Variants in PYGL observed in about 807,000 individuals in gnomAD.
The protein encoded by PYGL is glycogen phosphorylase, liver form.
PYGL carries 90 observed loss-of-function variants against 100.1 expected under a neutral mutation model. The observed-to-expected ratio is 0.90, with a 90% CI of 0.76 to 1.07. The LOEUF (loss-of-function observed/expected upper bound fraction) is 1.07. Ranked by LOEUF, PYGL falls within the 50% of genes least tolerant of loss-of-function variation. The pLI is 0.00. For synonymous variants in PYGL, 373 were observed against 393.0 expected (o/e 0.95, Z 0.60); for missense variants, 1,016 against 1,057.6 (o/e 0.96, Z 0.55).
chr14:50,935,061 G>A, intron 3 of PYGL, 46 bp downstream of exon 3: 2 of 1,528,472 alleles, frequency 1.3e-6, no homozygotes, highest in Non-Finnish European at 1.8e-6. Context: ...CATCTGAGAT[G>A]TCTTCAATCG....
In PYGL at chr14:50,923,953, C is replaced by G. The variant is rs368389304; in HGVS notation, c.660+16G>C. The G allele has an allele frequency of 3.7e-6, 6 of 1,612,018 alleles. No individual in the cohort carries two copies. The South Asian group carries it at 6.6e-5, about 18-fold the overall frequency. ...AATACTATACAAAACGCTGGCTATA[C>G]GAGCACTCTGAATACTTGAGTGTCA... On this transcript the variant is annotated intron_variant, in intron 5 of 19. Coordinates refer to ENST00000216392, the MANE Select transcript of PYGL (RefSeq NM_002863.5).
intron 13 of PYGL, 142 bp downstream of exon 13, chr14:50,912,887 G>A: frequency 1.4e-6 from 1 of 713,986 alleles, no homozygotes; most frequent in Non-Finnish European, 2.4e-6. Flanking sequence ...CTGGGAGGCG[G>A]AGGTTGCAGT....
In PYGL at chr14:50,908,910, C is replaced by T; in HGVS notation, c.2223G>A (p.Leu741=). 2 of 1,598,500 alleles carry T rather than the reference C, an allele frequency of 1.3e-6. No individual in the cohort carries two copies. Among genetic ancestry groups the T allele is most frequent in the East Asian group, 2.2e-5 (1 of 44,688 alleles). The change falls in exon 18 of 20, where the codon CTG becomes CTA. Residue 741 remains leucine (L), a synonymous_variant. Transcript: ENST00000216392. ...AGCCATTGTCAATTTGATCAATGAC[C>T]AGCTTCAGCTCTGGAAGTGCCTCAT... ...EYYEALPELK[L]VIDQIDNGFF...
chr14:50,943,367 C>A (rs1204286388), intron 1 of PYGL, among the ~76,000 whole-genome samples: 1 of 152,256 alleles, frequency 6.6e-6, no homozygotes, highest in East Asian at 1.9e-4. Context: ...GGTCCAAAAT[C>A]ACCCTAAGGA....
intron 10 of PYGL, 64 bp from the exon 11 acceptor site, chr14:50,915,563 T>C: frequency 1.3e-6 from 2 of 1,594,040 alleles, no homozygotes; most frequent in African/African-American, 1.3e-5. Flanking sequence ...GGGATAACGC[T>C]GTTCATGTCT....
chr14:50,909,035 T>G (rs1321131025), intron 17 of PYGL, 80 bp from the exon 18 acceptor site: 1 of 1,452,306 alleles, frequency 6.9e-7, no homozygotes, highest in Non-Finnish European at 9.6e-7. Flanking sequence ...AGACACTGCA[T>G]TCACTGTGAA....
intron 16 of PYGL, among the ~76,000 whole-genome samples, chr14:50,910,320 A>G (rs182113458): frequency 1.8e-4 from 28 of 152,342 alleles, no homozygotes; most frequent in African/African-American, 6.7e-4. Context: ...TTCTCGAGCT[A>G]TAAACTTTGA....
At position 50,914,635 on chromosome 14, in the gene PYGL, C is replaced by T. The variant is rs573316774; in HGVS notation, c.1518+66G>A. 68 of 1,343,688 alleles carry T rather than the reference C, an allele frequency of 5.1e-5. No individual in the cohort carries two copies. In the South Asian group the frequency reaches 6.3e-4, roughly 12 times the overall value. 83.2% of individuals were successfully genotyped at this position (1,343,688 alleles called of 1,614,324 possible). On this transcript the variant is annotated intron_variant, in intron 12 of 19. Coordinates refer to ENST00000216392, the MANE Select transcript of PYGL (RefSeq NM_002863.5). ...TGCTGCAGACTGGATTTATAAGTTA[C>T]AAGTATAGTCATATGCCTCTTGCAT...
At chr14:50,940,799 A>T (rs895219191) in intron 1 of PYGL, among the ~76,000 whole-genome samples, 28 of 152,246 alleles carry the variant, frequency 1.8e-4, no homozygotes, top group Non-Finnish European at 4.0e-4. Flanking sequence ...AGATATAACA[A>T]ATATTTTTAA....
intron 4 of PYGL, among the ~76,000 whole-genome samples, chr14:50,929,272 C>G (rs1031798125): frequency 6.6e-6 from 1 of 152,076 alleles, no homozygotes; most frequent in Non-Finnish European, 1.5e-5. Context: ...AGGCTGGTCT[C>G]GAACTCCTGA....
chr14:50,920,241 C>T (rs996952504), intron 7 of PYGL, among the ~76,000 whole-genome samples: 2 of 152,152 alleles, frequency 1.3e-5, no homozygotes, highest in African/African-American at 4.8e-5. Flanking sequence ...CAGTGCTTCA[C>T]CAGTGATTTA....
At chr14:50,927,373 C>T (rs934552483) in intron 4 of PYGL, among the ~76,000 whole-genome samples, 11 of 152,060 alleles carry the variant, frequency 7.2e-5, no homozygotes, top group South Asian at 2.1e-4. Flanking sequence ...TACAGGTGCC[C>T]GCCACCACAC....
At chr14:50,933,683 T>C (rs2139192975) in intron 3 of PYGL, among the ~76,000 whole-genome samples, 1 of 152,256 alleles carries the variant, frequency 6.6e-6, no homozygotes, top group East Asian at 1.9e-4. Context: ...CAGGGGGTCG[T>C]AGGGAACAGT....
chr14:50,919,589 C>T (rs1018414886), intron 7 of PYGL, among the ~76,000 whole-genome samples: 1 of 151,780 alleles, frequency 6.6e-6, no homozygotes, highest in African/African-American at 2.4e-5. Context: ...ATGATTTTAC[C>T]CATAGAGAAG....
chr14:50,934,817 G>A (rs571870019), intron 3 of PYGL, among the ~76,000 whole-genome samples: 11 of 152,270 alleles, frequency 7.2e-5, no homozygotes, highest in African/African-American at 2.4e-4. Flanking sequence ...GGGGGTGCTA[G>A]CATAATAAAT....
intron 4 of PYGL, among the ~76,000 whole-genome samples, chr14:50,927,204 G>T (rs971009823): frequency 6.6e-6 from 1 of 151,954 alleles, no homozygotes; most frequent in Non-Finnish European, 1.5e-5. Flanking sequence ...GAAGTCAGAG[G>T]TTGCATTTAC....
At chr14:50,939,126 T>C (rs2050682785) in intron 1 of PYGL, among the ~76,000 whole-genome samples, 1 of 152,194 alleles carries the variant, frequency 6.6e-6, no homozygotes, top group South Asian at 2.1e-4. Flanking sequence ...CTGCAACCTC[T>C]GTCTCCTAGT....
chr14:50,931,249 C>T (rs1170722912), intron 4 of PYGL, among the ~76,000 whole-genome samples: 2 of 151,432 alleles, frequency 1.3e-5, no homozygotes, highest in African/African-American at 4.8e-5. Context: ...AACTTTACTT[C>T]CTCAGAGACT....
rs1304247716 is a variant in PYGL, at chr14:50,942,447, G to A, written c.243+1714C>T. On this transcript the variant is annotated intron_variant, in intron 1 of 19. Coordinates refer to ENST00000216392, the MANE Select transcript of PYGL (RefSeq NM_002863.5). ...TATATGCTCAGTGTCCCACCCTTCC[G>A]CTTAAAATTGTTAAAAATAATTTTT... 2.1e-5 allele frequency among the ~76,000 whole-genome samples: 3 copies of A among 140,062 alleles called. 1 individual carries two copies. The highest frequency in any genetic ancestry group is 4.7e-5 in the Non-Finnish European group (3 of 63,656). 91.9% of individuals were successfully genotyped at this position (140,062 alleles called of 152,430 possible). A position where few individuals can be genotyped will look rare whatever the true frequency, so the allele number is the denominator to read the frequency against.
Sources: allele counts gnomAD v4.1 joint callset (sites outside exome capture counted in the v4.1 genomes callset), GRCh38; gene constraint gnomAD v4.1.1; transcripts MANE v1.5; gene names NCBI Gene and HGNC (gene_info 2026-07-23, HGNC 2026-07-21).